The following GREB1 variants were observed in gnomAD, a reference collection of about 807,000 sequenced individuals.
The protein encoded by GREB1 is protein GREB1.
GREB1 carries 106 observed loss-of-function variants against 200.7 expected under a neutral mutation model. The ratio of observed to expected loss-of-function variants is 0.53; its 90% confidence interval spans 0.45 to 0.62. The LOEUF is 0.62. GREB1 is among the 20% of genes least tolerant of loss of function. The pLI, the probability that GREB1 is intolerant of heterozygous loss-of-function variation, is 0.00. For synonymous variants in GREB1, 1,132 were observed against 1,092.4 expected, an observed-to-expected ratio of 1.04 and a Z score of -0.72; for missense variants, 2,243 against 2,556.8, an observed-to-expected ratio of 0.88 and a Z score of 2.65.
At chr2:11,497,098 G>A (rs1366919670) in intron 1 of GREB1, among the ~76,000 whole-genome samples, 1 of 152,116 alleles carries the variant, frequency 6.6e-6, no homozygotes, top group Non-Finnish European at 1.5e-5. Context: ...CGCCTGGCCT[G>A]TACTGCCCTT....
At chr2:11,635,248 C>T (rs1229951533) in intron 29 of GREB1, 22 bp from the exon 30 acceptor site, 9 of 1,613,864 alleles carry the variant, frequency 5.6e-6, no homozygotes, top group South Asian at 1.1e-5. Flanking sequence ...ATCAGACCCA[C>T]CCCTCCTCTG....
At chr2:11,567,508 AGC>A (rs907150146) in intron 4 of GREB1, among the ~76,000 whole-genome samples, 2 of 152,180 alleles carry the variant, frequency 1.3e-5, no homozygotes, top group South Asian at 4.1e-4. Flanking sequence ...AAGAGGACAG[AGC>A]CAGGATTCAA....
intron 1 of GREB1, among the ~76,000 whole-genome samples, chr2:11,543,035 C>T (rs538077365): frequency 1.3e-5 from 2 of 152,274 alleles, no homozygotes; most frequent in Admixed American, 6.5e-5. Context: ...TCCTTTTCCT[C>T]GTCTACTGTC....
In GREB1 at chr2:11,638,604, C is replaced by A. The variant is rs536373270; in HGVS notation, c.5548-67C>A. Reference sequence around the variant, plus strand: ...CAGTTGGTATTTACTAGGTGCAAACCTGTAGTATAATGTTACTGAGCATTT... The same window carrying A: ...CAGTTGGTATTTACTAGGTGCAAACATGTAGTATAATGTTACTGAGCATTT... On this transcript the variant is annotated intron_variant, in intron 31 of 32. Coordinates refer to ENST00000381486, the MANE Select transcript of GREB1 (RefSeq NM_014668.4). The A allele has an allele frequency of 2.3e-5, 34 of 1,472,904 alleles. No individual in the cohort carries two copies. The Middle Eastern group carries it at 2.6e-3, about 114-fold the overall frequency. 91.2% of individuals were successfully genotyped at this position (1,472,904 alleles called of 1,614,324 possible).
At position 11,600,990 on chromosome 2, in the gene GREB1, A is replaced by G. The variant is rs1411283590; in HGVS notation, c.2524A>G (p.Ser842Gly). The change falls in exon 16 of 33, where the codon AGT becomes GGT. Residue 842 changes from serine to glycine, a missense_variant. Around this residue, in one of 3 missense-constraint regions of GREB1, gnomAD observed 1,178 missense variants for 1,387.4 expected, o/e 0.85. Coordinates refer to ENST00000381486, the MANE Select transcript of GREB1 (RefSeq NM_014668.4). ...YNEIHWPASC[S>G]NGVDLYHENK... Reference sequence around the variant, plus strand: ...CGAGATCCACTGGCCTGCCTCCTGCAGTAATGTGAGTGCCACGGGGCTGCT... The same window carrying G: ...CGAGATCCACTGGCCTGCCTCCTGCGGTAATGTGAGTGCCACGGGGCTGCT... 1 of 1,607,732 alleles carries G rather than the reference A, an allele frequency of 6.2e-7. No homozygotes were observed.
intron 17 of GREB1, among the ~76,000 whole-genome samples, chr2:11,607,357 C>A (rs1682400182): frequency 2.6e-5 from 4 of 151,468 alleles, no homozygotes; most frequent in Admixed American, 2.6e-4. Flanking sequence ...GTTTCTATTG[C>A]TGTGTTTTCA....
rs1288622681 is a variant in GREB1, at chr2:11,642,526, T to G, written c.*2072T>G. Reference sequence around the variant, plus strand: ...ATTGTAAAAGATGATGCCGAAGAGTTGATGTCAATCTTTTTTTCCTAAGAA... The same window carrying G: ...ATTGTAAAAGATGATGCCGAAGAGTGGATGTCAATCTTTTTTTCCTAAGAA... On this transcript the variant is annotated 3_prime_UTR_variant, in exon 33 of 33. Coordinates refer to ENST00000381486, the MANE Select transcript of GREB1 (RefSeq NM_014668.4). The G allele has an allele frequency of 6.6e-6, 1 of 152,204 alleles. No homozygotes were observed. Among genetic ancestry groups the G allele is most frequent in the Non-Finnish European group, 1.5e-5 (1 of 68,038 alleles). 9.4% of individuals were successfully genotyped at this position (152,204 alleles called of 1,614,324 possible).
At chr2:11,591,421 A>G (rs575865612) in intron 10 of GREB1, 12 of 729,038 alleles carry the variant, frequency 1.6e-5, no homozygotes, top group South Asian at 1.3e-4. Flanking sequence ...ATCCGGACGT[A>G]TAAACCAGAC....
chr2:11,498,224 AGTTTTAT>A (rs1672940419), intron 1 of GREB1, among the ~76,000 whole-genome samples: 1 of 151,780 alleles, frequency 6.6e-6, no homozygotes, highest in African/African-American at 2.4e-5. Context: ...GAAGTGTTAT[AGTTTTAT>A]GTTTTATGTG....
intron 10 of GREB1, chr2:11,591,555 G>A: frequency 1.5e-6 from 1 of 674,400 alleles, no homozygotes. Flanking sequence ...CCCAAATGAT[G>A]GTACCCAGTG....
At chr2:11,514,236 T>C (rs1461756364) in intron 1 of GREB1, among the ~76,000 whole-genome samples, 1 of 152,230 alleles carries the variant, frequency 6.6e-6, no homozygotes, top group Non-Finnish European at 1.5e-5. Flanking sequence ...CTTATTTACA[T>C]AGAGTTCTCA....
At chr2:11,581,587 G>C (rs1679485872) in intron 7 of GREB1, among the ~76,000 whole-genome samples, 1 of 152,198 alleles carries the variant, frequency 6.6e-6, no homozygotes, top group African/African-American at 2.4e-5. Context: ...CTGTGAACGG[G>C]CGGAGCAACC....
At chr2:11,512,274 G>A (rs996542151) in intron 1 of GREB1, among the ~76,000 whole-genome samples, 1 of 152,200 alleles carries the variant, frequency 6.6e-6, no homozygotes, top group Non-Finnish European at 1.5e-5. Flanking sequence ...AGGAATTTGT[G>A]TCTTGGGAAT....
intron 2 of GREB1, among the ~76,000 whole-genome samples, chr2:11,557,765 G>A (rs1304308125): frequency 6.6e-6 from 1 of 152,216 alleles, no homozygotes; most frequent in Non-Finnish European, 1.5e-5. Context: ...GGAAGAACTG[G>A]ATGTGGGTCT....
At chr2:11,606,758 C>CATTATTATTATTATT (rs3035992) in intron 17 of GREB1, among the ~76,000 whole-genome samples, 62 of 143,358 alleles carry the variant, frequency 4.3e-4, no homozygotes, top group Middle Eastern at 3.6e-3. Context: ...ATTTTAGTTT[C>CATTATTATTATTATT]ATTATTATTA....
intron 24 of GREB1, among the ~76,000 whole-genome samples, chr2:11,625,912 G>A (rs770508506): frequency 1.1e-4 from 16 of 152,180 alleles, no homozygotes; most frequent in Non-Finnish European, 1.8e-4. Flanking sequence ...CAATCGTGGT[G>A]GAAGGTGAAA....
At chr2:11,512,798 T>A (rs932563430) in intron 1 of GREB1, among the ~76,000 whole-genome samples, 1 of 152,264 alleles carries the variant, frequency 6.6e-6, no homozygotes, top group African/African-American at 2.4e-5. Flanking sequence ...CCTTGTGGGA[T>A]CTGAAGAATC....
In GREB1 at chr2:11,562,566, A is replaced by T. The variant is rs765459394; in HGVS notation, c.261A>T (p.Gly87=). 6.3e-7 allele frequency: 1 copy of T among 1,596,740 alleles called. No homozygotes were observed. The highest frequency in any genetic ancestry group is 1.1e-5 in the South Asian group (1 of 89,446). ...TCCAGCTGCACCCTCTGCCTGAAGG[A>T]TGCTGTACCACAGACGGTGAGCCTC... is the stretch of plus-strand genomic sequence containing the variant. ...NPFQLHPLPE[G]CCTTDGFCQA... is the part of the protein sequence containing the mutation. Residue 87 remains glycine, a synonymous_variant, in exon 3 of 33, where the codon GGA becomes GGT. Transcript: ENST00000381486.
At position 11,617,105 on chromosome 2, in the gene GREB1, A is replaced by G. The variant is rs368865088; in HGVS notation, c.3412+385A>G. ...GGGGAGAGGAGCTGAGCGCAAGGAG[A>G]GAAGTAGACATGGAGACTTCACTGG... On this transcript the variant is annotated intron_variant, in intron 21 of 32. Transcript: ENST00000381486. Among the ~76,000 whole-genome samples, 96 of 152,298 alleles carry G rather than the reference A, an allele frequency of 6.3e-4. 2 individuals are homozygous for G. In the South Asian group the frequency reaches 0.019, roughly 31 times the overall value.
Sources: gnomAD v4.1 joint callset for allele counts (sites outside exome capture counted in the v4.1 genomes callset) on GRCh38, gnomAD v4.1.1 for gene constraint, gnomAD v4.1.1 regional missense constraint, MANE v1.5 for transcripts, NCBI Gene and HGNC (gene_info 2026-07-23, HGNC 2026-07-21) for gene names.